The following CFAP221 variants were observed in gnomAD, a reference collection of about 807,000 sequenced individuals.
CFAP221 encodes cilia- and flagella-associated protein 221.
CFAP221 carries 97 observed loss-of-function variants against 113.1 expected under a neutral mutation model. The ratio of observed to expected loss-of-function variants is 0.86; its 90% CI spans 0.73 to 1.02. CFAP221 has a LOEUF of 1.02. Among genes scored for constraint, CFAP221 ranks in the 50% least tolerant of loss-of-function variants. The probability of loss-of-function intolerance (pLI) is 0.00; values close to 1 mark genes in which losing one functional copy is unlikely to be tolerated. For synonymous variants in CFAP221, 331 were observed against 354.4 expected, an observed-to-expected ratio of 0.93 and a Z score of 0.74; for missense variants, 1,025 against 1,013.4, an observed-to-expected ratio of 1.01 and a Z score of -0.16.
At chr2:119,553,315 AT>A (rs1002579401) in intron 3 of CFAP221, among the ~76,000 whole-genome samples, 7 of 152,208 alleles carry the variant, frequency 4.6e-5, no homozygotes, top group African/African-American at 1.7e-4. Context: ...CAAACGGCGT[AT>A]TTGGAGGCTG....
At chr2:119,628,289 T>TCTC (rs376279965) in intron 16 of CFAP221, among the ~76,000 whole-genome samples, 3 of 8,888 alleles carry the variant, frequency 3.4e-4, no homozygotes, top group African/African-American at 3.9e-4. Context: ...TCTCTCTCTC[T>TCTC]GGGGGGTGTG....
chr2:119,608,402 G>A (rs146574324), intron 11 of CFAP221, 100 bp from the exon 12 acceptor site: 1 of 828,166 alleles, frequency 1.2e-6, no homozygotes, highest in Non-Finnish European at 1.9e-6. Context: ...AGCATCTCAG[G>A]GTTCCTTTTC....
intron 19 of CFAP221, among the ~76,000 whole-genome samples, chr2:119,632,751 C>CA (rs369387347): frequency 0.012 from 1,698 of 136,184 alleles, 33 homozygotes; most frequent in African/African-American, 0.035. Context: ...ATGAAATCTA[C>CA]AAAAAAAACT....
intron 13 of CFAP221, among the ~76,000 whole-genome samples, chr2:119,612,443 G>C (rs1346403651): frequency 6.6e-6 from 1 of 152,154 alleles, no homozygotes; most frequent in East Asian, 1.9e-4. Context: ...CAAGCCAAGG[G>C]GGAAGCTCCT....
At chr2:119,572,534 T>C (rs1310674681) in intron 6 of CFAP221, 1 of 701,390 alleles carries the variant, frequency 1.4e-6, no homozygotes. Context: ...CATCATGCTC[T>C]GTAGTTTACC....
At chr2:119,622,744 A>G (rs1686018845) in intron 14 of CFAP221, among the ~76,000 whole-genome samples, 1 of 152,354 alleles carries the variant, frequency 6.6e-6, no homozygotes, top group South Asian at 2.1e-4. Flanking sequence ...AATCCATCAC[A>G]TAAACAGAAC....
intron 2 of CFAP221, among the ~76,000 whole-genome samples, chr2:119,548,829 C>T (rs1196371096): frequency 6.6e-6 from 1 of 152,102 alleles, no homozygotes; most frequent in Non-Finnish European, 1.5e-5. Flanking sequence ...AATTCTTTTA[C>T]TAGGTAACAG....
chr2:119,629,469 G>C (rs915476349), intron 16 of CFAP221, among the ~76,000 whole-genome samples: 9 of 152,228 alleles, frequency 5.9e-5, no homozygotes, highest in Non-Finnish European at 1.3e-4. Flanking sequence ...GAGGTGAGCT[G>C]CCTGGGAGGA....
In CFAP221 at chr2:119,653,502, T is replaced by C. The variant is rs575600751; in HGVS notation, c.2414+1433T>C. Among the ~76,000 whole-genome samples the C allele has an allele frequency of 6.6e-4, 101 of 152,354 alleles. 1 individual carries two copies. Among genetic ancestry groups the C allele is most frequent in the African/African-American group, 2.4e-3 (98 of 41,590 alleles). On this transcript the variant is annotated intron_variant, in intron 23 of 23. Transcript: ENST00000413369. ...CATATCATAAGCACATACTTATAAA[T>C]ATACATATGAATTATTATATTTCCG...
At chr2:119,601,806 C>A (rs894801715) in intron 8 of CFAP221, among the ~76,000 whole-genome samples, 1 of 152,144 alleles carries the variant, frequency 6.6e-6, no homozygotes, top group Non-Finnish European at 1.5e-5. Flanking sequence ...GGGAAATGGC[C>A]CACAACCTCA....
At chr2:119,642,236 G>A (rs761930207) in intron 21 of CFAP221, among the ~76,000 whole-genome samples, 1 of 152,254 alleles carries the variant, frequency 6.6e-6, no homozygotes, top group Non-Finnish European at 1.5e-5. Flanking sequence ...TTCTTAGCAT[G>A]GATTTCCACG....
In CFAP221 at chr2:119,621,242, G is replaced by GC. The variant is rs1406690122; in HGVS notation, c.1411-4341_1411-4340insC. On this transcript the variant is annotated intron_variant, in intron 14 of 23. Transcript: ENST00000413369. Reference sequence around the variant, plus strand: ...CTGTGTCAAAAAAAAAAAAAAAGCAGGGGTTGCAATCCTAGGCTCTGATAA... The same window carrying GC: ...CTGTGTCAAAAAAAAAAAAAAAGCAGCGGGTTGCAATCCTAGGCTCTGATAA... 9.1e-4 allele frequency among the ~76,000 whole-genome samples: 137 copies of GC among 150,154 alleles called. 2 individuals carry two copies. Among genetic ancestry groups the GC allele is most frequent in the African/African-American group, 3.0e-3 (122 of 40,346 alleles).
At chr2:119,589,172 C>G (rs1683419152) in intron 7 of CFAP221, among the ~76,000 whole-genome samples, 1 of 152,184 alleles carries the variant, frequency 6.6e-6, no homozygotes, top group African/African-American at 2.4e-5. Flanking sequence ...TTTTGTGAAT[C>G]TCAGGTCATC....
intron 6 of CFAP221, among the ~76,000 whole-genome samples, chr2:119,583,626 T>C (rs1682999838): frequency 6.6e-6 from 1 of 152,210 alleles, no homozygotes; most frequent in South Asian, 2.1e-4. Flanking sequence ...CCATTCACTA[T>C]GATACAGAAG....
chr2:119,620,120 G>A (rs1434061110), intron 14 of CFAP221, among the ~76,000 whole-genome samples: 2 of 152,184 alleles, frequency 1.3e-5, no homozygotes, highest in African/African-American at 2.4e-5. Context: ...TTTGACTGGT[G>A]TACCTAAAAG....
At position 119,638,285 on chromosome 2, in the gene CFAP221, A is replaced by G; in HGVS notation, c.2001A>G (p.Val667=). Reference sequence around the variant, plus strand: ...ATCCCAACCCAGGATTATTTGCTGTAATGCATCCTCTGACCTATGCAGAAA... The same window carrying G: ...ATCCCAACCCAGGATTATTTGCTGTGATGCATCCTCTGACCTATGCAGAAA... ...VFNPNPGLFA[V]MHPLTYAETL... The change falls in exon 20 of 24, where the codon GTA becomes GTG. Residue 667 remains valine (V), a synonymous_variant. Transcript: ENST00000413369. 1 of 1,614,180 alleles carries G rather than the reference A, an allele frequency of 6.2e-7. No homozygotes were observed. The highest frequency in any genetic ancestry group is 8.5e-7 in the Non-Finnish European group (1 of 1,179,980).
intron 8 of CFAP221, among the ~76,000 whole-genome samples, chr2:119,602,276 G>A (rs966778310): frequency 6.6e-6 from 1 of 152,138 alleles, no homozygotes; most frequent in African/African-American, 2.4e-5. Flanking sequence ...TACTTGGGAG[G>A]CTGAAGCAGA....
chr2:119,632,096 A>G (rs1686810113), intron 19 of CFAP221, among the ~76,000 whole-genome samples: 1 of 151,896 alleles, frequency 6.6e-6, no homozygotes, highest in South Asian at 2.1e-4. Context: ...GGAAGGAATA[A>G]TACAAAATCT....
At chr2:119,551,180 A>G (rs988143586) in intron 3 of CFAP221, among the ~76,000 whole-genome samples, 1 of 152,142 alleles carries the variant, frequency 6.6e-6, no homozygotes, top group Non-Finnish European at 1.5e-5. Context: ...TTGTTTCCAC[A>G]TTGGGGCTAT....
Sources: gnomAD v4.1 joint callset for allele counts (sites outside exome capture counted in the v4.1 genomes callset) on GRCh38, gnomAD v4.1.1 for gene constraint, MANE v1.5 for transcripts, NCBI Gene and HGNC (gene_info 2026-07-23, HGNC 2026-07-21) for gene names.